KCNJ16: variants seen among roughly 807,000 people sequenced by gnomAD.
The protein encoded by KCNJ16 is inward rectifier potassium channel 16.
A neutral mutation model predicts 18.5 loss-of-function variants in KCNJ16; 15 were observed. The ratio of observed to expected loss-of-function variants is 0.81; its 90% CI spans 0.54 to 1.25. The LOEUF (loss-of-function observed/expected upper bound fraction) is 1.25, where lower values mean the gene tolerates loss of function less well. Ranked by LOEUF, KCNJ16 falls within the 50% of genes most tolerant of loss-of-function variation. KCNJ16 has a pLI of 0.00. For synonymous variants in KCNJ16, 174 were observed against 186.5 expected (o/e 0.93, Z 0.55); for missense variants, 523 against 525.7 (o/e 0.99, Z 0.05).
At position 70,116,523 on chromosome 17, in the gene KCNJ16, T is replaced by C. The variant is rs571211522; in HGVS notation, c.-190-14356T>C. On this transcript the variant is annotated intron_variant, in intron 2 of 3. Transcript: ENST00000392671. ...TAGCTAGCTTACCTCCAGAAATAGT[T>C]CAAATTAAATGTATACATTTGAATA... Among the ~76,000 whole-genome samples, 22 of 152,320 alleles carry C rather than the reference T, an allele frequency of 1.4e-4. No homozygotes were observed. In the South Asian group the frequency reaches 4.3e-3, roughly 30 times the overall value.
chr17:70,122,763 TTGAC>T (rs1463133178), intron 2 of KCNJ16, among the ~76,000 whole-genome samples: 1 of 152,202 alleles, frequency 6.6e-6, no homozygotes, highest in Non-Finnish European at 1.5e-5. Flanking sequence ...CACTGGCCTC[TTGAC>T]TGCCTGCCAT....
At position 70,133,668 on chromosome 17, in the gene KCNJ16, G is replaced by A. The variant is rs1356924900; in HGVS notation, c.*324G>A. 4.7e-6 allele frequency: 1 copy of A among 215,010 alleles called. No individual in the cohort carries two copies. The highest frequency in any genetic ancestry group is 1.0e-5 in the Non-Finnish European group (1 of 99,370). 13.3% of individuals were successfully genotyped at this position (215,010 alleles called of 1,614,324 possible). A position where few individuals can be genotyped will look rare whatever the true frequency, so the allele number is the denominator to read the frequency against. Reference sequence around the variant, plus strand: ...GGGGAATGAAGGCAGGAAGGAGGCTGGAATAAATAAAAATAAAAATAGACA... The same window carrying A: ...GGGGAATGAAGGCAGGAAGGAGGCTAGAATAAATAAAAATAAAAATAGACA... On this transcript the variant is annotated 3_prime_UTR_variant, in exon 4 of 4. Transcript: ENST00000392671.
intron 2 of KCNJ16, among the ~76,000 whole-genome samples, chr17:70,129,923 T>A (rs930988049): frequency 2.7e-5 from 4 of 150,928 alleles, no homozygotes; most frequent in African/African-American, 9.7e-5. Context: ...TATTTATTTA[T>A]TTATTTATTT....
chr17:70,088,340 C>T lies in KCNJ16; in HGVS notation c.-299-12318C>T, dbSNP rs373185130. On this transcript the variant is annotated intron_variant, in intron 1 of 3. Coordinates refer to ENST00000392671, the MANE Select transcript of KCNJ16 (RefSeq NM_170741.4). ...TGTGCAGTTCACAATAGGATTCGTG[C>T]TTCTATGAGACTCTAATGCTGCCGC... 4.6e-5 allele frequency among the ~76,000 whole-genome samples: 7 copies of T among 152,324 alleles called. No individual in the cohort carries two copies. In the East Asian group the frequency reaches 7.7e-4, roughly 17 times the overall value.
intron 1 of KCNJ16, among the ~76,000 whole-genome samples, chr17:70,097,578 G>A (rs566121847): frequency 3.3e-5 from 5 of 152,040 alleles, no homozygotes; most frequent in Admixed American, 2.6e-4. Flanking sequence ...GGCCCTCATC[G>A]CAGCCCCATA....
intron 2 of KCNJ16, among the ~76,000 whole-genome samples, chr17:70,105,631 G>C (rs972301989): frequency 6.6e-6 from 1 of 152,144 alleles, no homozygotes; most frequent in African/African-American, 2.4e-5. Context: ...ACTGCTAAAA[G>C]GTAACTTCAA....
At chr17:70,106,827 C>T (rs1011244950) in intron 2 of KCNJ16, among the ~76,000 whole-genome samples, 1 of 151,958 alleles carries the variant, frequency 6.6e-6, no homozygotes, top group East Asian at 1.9e-4. Flanking sequence ...TCATGGGGGT[C>T]GAGAAGAAAG....
chr17:70,103,296 G>GTATATA (rs1173280296), intron 2 of KCNJ16, among the ~76,000 whole-genome samples: 93 of 72,050 alleles, frequency 1.3e-3, no homozygotes, highest in African/African-American at 3.9e-3. Context: ...ATGTGTGTGT[G>GTATATA]TATATATATA....
At chr17:70,125,087 G>A (rs778386337) in intron 2 of KCNJ16, among the ~76,000 whole-genome samples, 34 of 151,976 alleles carry the variant, frequency 2.2e-4, no homozygotes, top group Non-Finnish European at 4.4e-4. Flanking sequence ...GCAACACAGC[G>A]GGACCCTATC....
intron 1 of KCNJ16, among the ~76,000 whole-genome samples, chr17:70,079,178 A>G (rs999576872): frequency 2.6e-5 from 4 of 152,140 alleles, no homozygotes; most frequent in African/African-American, 7.2e-5. Context: ...AAATTCTAGT[A>G]AGAGTTGACA....
At chr17:70,078,784 C>A (rs2071422528) in intron 1 of KCNJ16, among the ~76,000 whole-genome samples, 1 of 152,138 alleles carries the variant, frequency 6.6e-6, no homozygotes, top group South Asian at 2.1e-4. Context: ...ACCATCATAA[C>A]ATAACGTACA....
At chr17:70,119,447 T>C (rs1436459858) in intron 2 of KCNJ16, among the ~76,000 whole-genome samples, 2 of 152,236 alleles carry the variant, frequency 1.3e-5, no homozygotes, top group East Asian at 1.9e-4. Context: ...GCTCCACCCC[T>C]GCAGCAGGCT....
chr17:70,108,472 G>C (rs1333599071), intron 2 of KCNJ16: 1 of 150,484 alleles, frequency 6.6e-6, no homozygotes, highest in South Asian at 2.1e-4. Context: ...TAGTTTAAAA[G>C]ACAAATCAGT....
intron 2 of KCNJ16, among the ~76,000 whole-genome samples, chr17:70,129,679 G>T (rs371772031): frequency 1.3e-5 from 2 of 152,192 alleles, no homozygotes; most frequent in East Asian, 3.9e-4. Context: ...GAAACATGGT[G>T]AGCTTGGGGC....
At chr17:70,103,725 C>T in intron 2 of KCNJ16, among the ~76,000 whole-genome samples, 1 of 151,934 alleles carries the variant, frequency 6.6e-6, no homozygotes, top group East Asian at 1.9e-4. Flanking sequence ...TATTTCCATT[C>T]TGAAATTCTC....
chr17:70,120,572 C>T (rs1250149607), intron 2 of KCNJ16, among the ~76,000 whole-genome samples: 6 of 152,094 alleles, frequency 3.9e-5, no homozygotes, highest in Admixed American at 3.9e-4. Context: ...AGTTTACAAT[C>T]ATGGAGAAAG....
intron 1 of KCNJ16, among the ~76,000 whole-genome samples, chr17:70,082,618 T>A (rs1049072883): frequency 6.6e-6 from 1 of 152,220 alleles, no homozygotes; most frequent in East Asian, 1.9e-4. Flanking sequence ...ACCAAAAACA[T>A]GACAATTGCT....
chr17:70,091,305 A>T (rs2072080527), intron 1 of KCNJ16, among the ~76,000 whole-genome samples: 2 of 152,160 alleles, frequency 1.3e-5, no homozygotes, highest in Non-Finnish European at 1.5e-5. Context: ...TTAAGTGATA[A>T]GATAATTTCC....
chr17:70,124,910 G>GTGTGTGTGTGTA (rs1387585176), intron 2 of KCNJ16, among the ~76,000 whole-genome samples: 1 of 151,978 alleles, frequency 6.6e-6, no homozygotes, highest in African/African-American at 2.4e-5. Flanking sequence ...GTGTGTGTGT[G>GTGTGTGTGTGTA]TTCAGATATG....
Sources: gnomAD v4.1 joint callset for allele counts (sites outside exome capture counted in the v4.1 genomes callset) on GRCh38, gnomAD v4.1.1 for gene constraint, MANE v1.5 for transcripts, NCBI Gene and HGNC (gene_info 2026-07-23, HGNC 2026-07-21) for gene names.